NAV2: variants seen among roughly 807,000 people sequenced by gnomAD.
NAV2 encodes the protein neuron navigator 2.
A neutral mutation model predicts 223.2 loss-of-function variants in NAV2; 54 were observed. That is an observed-to-expected ratio of 0.24 (90% CI 0.19 to 0.30). The LOEUF is 0.30. NAV2 is among the 10% of genes least tolerant of loss of function. The pLI is 1.00. For missense variants in NAV2, 2,806 were observed against 3,147.5 expected, an observed-to-expected ratio of 0.89 and a Z score of 2.60; for synonymous variants, 1,279 against 1,239.3, an observed-to-expected ratio of 1.03 and a Z score of -0.67.
At chr11:19,600,157 A>G (rs1468299751) in intron 1 of NAV2, among the ~76,000 whole-genome samples, 1 of 152,188 alleles carries the variant, frequency 6.6e-6, no homozygotes, top group Admixed American at 6.5e-5. Context: ...TGTTGGACCT[A>G]CCTCAGAATT....
chr11:19,409,403 C>G (rs1850044277), intron 1 of NAV2, among the ~76,000 whole-genome samples: 1 of 152,216 alleles, frequency 6.6e-6, no homozygotes, highest in African/African-American at 2.4e-5. Flanking sequence ...CCCAGTCACT[C>G]TCTAAGCACT....
chr11:19,759,506 G>C (rs1280767772), intron 1 of NAV2, among the ~76,000 whole-genome samples: 1 of 151,948 alleles, frequency 6.6e-6, no homozygotes, highest in African/African-American at 2.4e-5. Flanking sequence ...GTCTTTCTGG[G>C]AAAAAAACAA....
At chr11:19,923,115 A>T (rs1433436199) in intron 6 of NAV2, among the ~76,000 whole-genome samples, 1 of 152,216 alleles carries the variant, frequency 6.6e-6, no homozygotes, top group Non-Finnish European at 1.5e-5. Flanking sequence ...ACAGGGGGAA[A>T]TAAGGGCTCA....
intron 3 of NAV2, among the ~76,000 whole-genome samples, chr11:19,847,824 T>C (rs912094023): frequency 6.6e-6 from 1 of 152,198 alleles, no homozygotes; most frequent in African/African-American, 2.4e-5. Flanking sequence ...ATGCGGGTGA[T>C]CTTATTATCC....
intron 4 of NAV2, among the ~76,000 whole-genome samples, chr11:19,874,311 A>G (rs1431841394): frequency 2.0e-5 from 3 of 152,198 alleles, no homozygotes; most frequent in African/African-American, 7.2e-5. Context: ...GGCCCATGCA[A>G]TTTGCTTTTC....
chr11:19,828,479 C>T (rs965155979), intron 1 of NAV2, among the ~76,000 whole-genome samples: 1 of 130,736 alleles, frequency 7.6e-6, no homozygotes, highest in Non-Finnish European at 1.6e-5. Flanking sequence ...CTTAGAATTA[C>T]GTTTTCAAGG....
Position 20,107,370 on chromosome 11 carries a change from G to A in NAV2, c.6842-294G>A, listed in dbSNP as rs182084027. 1.6e-3 allele frequency: 465 copies of A among 283,732 alleles called. 4 individuals are homozygous for A. Among genetic ancestry groups the A allele is most frequent in the African/African-American group, 9.6e-3 (439 of 45,862 alleles). 17.6% of individuals were successfully genotyped at this position (283,732 alleles called of 1,614,324 possible). ...CAAAGTGCTGGGATTATAGGCGTGA[G>A]CCACTGCGCATGGGCTTCCATTTTT... is the stretch of plus-strand genomic sequence containing the variant. On this transcript the variant is annotated intron_variant, in intron 35 of 37. Coordinates refer to ENST00000349880, the MANE Select transcript of NAV2 (RefSeq NM_145117.5).
intron 1 of NAV2, among the ~76,000 whole-genome samples, chr11:19,357,507 A>T (rs1386388953): frequency 6.6e-6 from 1 of 152,218 alleles, no homozygotes; most frequent in Admixed American, 6.5e-5. Flanking sequence ...TTAGCACATA[A>T]GTATTAAATG....
intron 6 of NAV2, among the ~76,000 whole-genome samples, chr11:19,932,236 C>CAAAAAAAAAAAAAAAA (rs398015484): frequency 1.3e-5 from 1 of 78,986 alleles, no homozygotes; most frequent in Admixed American, 1.8e-4. Flanking sequence ...CACTCTTAAG[C>CAAAAAAAAAAAAAAAA]AAAAAAAAAA....
intron 1 of NAV2, among the ~76,000 whole-genome samples, chr11:19,543,566 A>G (rs1188547407): frequency 5.3e-5 from 8 of 152,146 alleles, no homozygotes; most frequent in Admixed American, 3.3e-4. Flanking sequence ...GGATTAAAAA[A>G]CGTTCAATTT....
intron 4 of NAV2, among the ~76,000 whole-genome samples, chr11:19,876,144 G>C (rs541586168): frequency 5.5e-4 from 84 of 152,238 alleles, no homozygotes; most frequent in African/African-American, 2.0e-3. Context: ...TCCTGCCTCA[G>C]CCTCCCAAGT....
chr11:19,817,297 A>C (rs1043712764), intron 1 of NAV2, among the ~76,000 whole-genome samples: 4 of 152,208 alleles, frequency 2.6e-5, no homozygotes, highest in Admixed American at 6.5e-5. Flanking sequence ...ATAGCCTCAC[A>C]TCAGTCTCCT....
chr11:19,512,994 A>G (rs2043326907), intron 1 of NAV2, among the ~76,000 whole-genome samples: 1 of 151,878 alleles, frequency 6.6e-6, no homozygotes, highest in Non-Finnish European at 1.5e-5. Context: ...CCCAAGAAGG[A>G]CGATACGTAA....
At chr11:19,764,078 C>T (rs184285695) in intron 1 of NAV2, among the ~76,000 whole-genome samples, 4 of 152,276 alleles carry the variant, frequency 2.6e-5, no homozygotes, top group Non-Finnish European at 4.4e-5. Flanking sequence ...TGAAGTTCTT[C>T]GTTTTTTAGA....
intron 1 of NAV2, among the ~76,000 whole-genome samples, chr11:19,481,254 C>T (rs1000838943): frequency 2.0e-5 from 3 of 151,980 alleles, no homozygotes; most frequent in Admixed American, 6.6e-5. Flanking sequence ...AAGCCAAGGG[C>T]CTGAGGAGCA....
At chr11:19,566,327 C>T (rs1246529692) in intron 1 of NAV2, among the ~76,000 whole-genome samples, 1 of 152,132 alleles carries the variant, frequency 6.6e-6, no homozygotes, top group Non-Finnish European at 1.5e-5. Context: ...ATTCACCCAC[C>T]TCGGCCTCCC....
chr11:19,963,175 A>T (rs1036439120), intron 10 of NAV2, among the ~76,000 whole-genome samples: 1 of 152,194 alleles, frequency 6.6e-6, no homozygotes, highest in Non-Finnish European at 1.5e-5. Context: ...AGAGTTTATT[A>T]TGTGCTAGGC....
intron 1 of NAV2, among the ~76,000 whole-genome samples, chr11:19,466,750 G>A (rs1852364559): frequency 6.6e-6 from 1 of 152,190 alleles, no homozygotes; most frequent in Non-Finnish European, 1.5e-5. Flanking sequence ...GGTGTGCAGG[G>A]ACAGGTCACT....
At chr11:19,391,128 A>G (rs1214276723) in intron 1 of NAV2, among the ~76,000 whole-genome samples, 1 of 152,096 alleles carries the variant, frequency 6.6e-6, no homozygotes, top group African/African-American at 2.4e-5. Context: ...TCTAGTGATC[A>G]TTGCTCACAC....
Sources: allele counts gnomAD v4.1 joint callset (sites outside exome capture counted in the v4.1 genomes callset), GRCh38; gene constraint gnomAD v4.1.1; transcripts MANE v1.5; gene names NCBI Gene and HGNC (gene_info 2026-07-23, HGNC 2026-07-21).